Variants in MYO5A observed in about 807,000 individuals in gnomAD.
MYO5A encodes the protein myosin VA.
MYO5A carries 98 observed loss-of-function variants against 249.7 expected under a neutral mutation model. The ratio of observed to expected loss-of-function variants is 0.39; its 90% CI spans 0.33 to 0.46. The LOEUF (loss-of-function observed/expected upper bound fraction) is 0.46, where lower values mean the gene tolerates loss of function less well. Among genes scored for constraint, MYO5A ranks in the 20% least tolerant of loss-of-function variants. The pLI, the probability that MYO5A is intolerant of heterozygous loss-of-function variation, is 0.98. For synonymous variants in MYO5A, 778 were observed against 810.6 expected (o/e 0.96, Z 0.68); for missense variants, 1,696 against 2,308.8 (o/e 0.73, Z 5.44).
intron 1 of MYO5A, among the ~76,000 whole-genome samples, chr15:52,528,188 C>T (rs538786992): frequency 1.3e-5 from 2 of 152,302 alleles, no homozygotes; most frequent in South Asian, 4.1e-4. Flanking sequence ...TACCGACCCT[C>T]CCAGCCGGTG....
intron 3 of MYO5A, among the ~76,000 whole-genome samples, chr15:52,426,843 C>T (rs887032186): frequency 2.0e-5 from 3 of 151,882 alleles, no homozygotes; most frequent in Non-Finnish European, 1.5e-5. Flanking sequence ...TTAATGAAGT[C>T]GTCCATTCAA....
chr15:52,373,922 G>A (rs562482393), intron 20 of MYO5A, among the ~76,000 whole-genome samples: 245 of 151,312 alleles, frequency 1.6e-3, no homozygotes, highest in African/African-American at 5.7e-3. Flanking sequence ...CACCAGTTTC[G>A]AATTTTTTGT....
chr15:52,410,393 A>G lies in MYO5A; in HGVS notation c.696T>C (p.Tyr232=), dbSNP rs148997257. The G allele has an allele frequency of 1.5e-4, 242 of 1,613,510 alleles. No individual in the cohort carries two copies. The African/African-American group carries it at 2.9e-3, about 19-fold the overall frequency. Reference sequence around the variant, plus strand: ...TTCTCATATTGGCACCAATGATTCGATATCTCTTATCAAAACCAATCTCAA... The same window carrying G: ...TTCTCATATTGGCACCAATGATTCGGTATCTCTTATCAAAACCAATCTCAA... ...KYIEIGFDKR[Y]RIIGANMRTY... Residue 232 remains tyrosine, a synonymous_variant, in exon 6 of 42, where the codon TAT becomes TAC. Transcript: ENST00000399233.
intron 1 of MYO5A, among the ~76,000 whole-genome samples, chr15:52,517,431 T>C (rs1486017339): frequency 6.6e-6 from 1 of 152,190 alleles, no homozygotes; most frequent in Admixed American, 6.5e-5. Context: ...ACACCCATAA[T>C]CCCAGCACTT....
intron 1 of MYO5A, among the ~76,000 whole-genome samples, chr15:52,525,021 T>C (rs748652048): frequency 2.0e-5 from 3 of 152,170 alleles, no homozygotes; most frequent in Non-Finnish European, 4.4e-5. Flanking sequence ...ATAATCCTTC[T>C]AGGTCTAATT....
At chr15:52,515,601 T>C (rs138597239) in intron 1 of MYO5A, among the ~76,000 whole-genome samples, 16 of 152,322 alleles carry the variant, frequency 1.1e-4, no homozygotes, top group African/African-American at 3.6e-4. Context: ...CATACAGATG[T>C]AGAAACTAAG....
chr15:52,317,544 C>T (rs953749734), intron 39 of MYO5A, among the ~76,000 whole-genome samples: 11 of 152,202 alleles, frequency 7.2e-5, no homozygotes, highest in African/African-American at 1.9e-4. Flanking sequence ...TATTGGGGAG[C>T]TGGCCAGAAA....
At chr15:52,428,270 C>T (rs948387525) in intron 3 of MYO5A, 128 bp downstream of exon 3, 21 of 938,302 alleles carry the variant, frequency 2.2e-5, no homozygotes, top group Middle Eastern at 2.9e-4. Flanking sequence ...TTTCTGATAA[C>T]GCTCAAGTGA....
chr15:52,497,756 CAAAAAAAA>C (rs35145185), intron 1 of MYO5A, among the ~76,000 whole-genome samples: 1 of 62,684 alleles, frequency 1.6e-5, no homozygotes, highest in African/African-American at 6.1e-5. Flanking sequence ...GACTCTGTCT[CAAAAAAAA>C]AAAAAAAAAA....
At chr15:52,357,144 T>C (rs1596336726) in intron 25 of MYO5A, among the ~76,000 whole-genome samples, 1 of 152,266 alleles carries the variant, frequency 6.6e-6, no homozygotes, top group Admixed American at 6.5e-5. Context: ...AATTCTTCTC[T>C]ATACGTCCCC....
At chr15:52,525,636 CT>C (rs1313337454) in intron 1 of MYO5A, among the ~76,000 whole-genome samples, 1 of 152,222 alleles carries the variant, frequency 6.6e-6, no homozygotes, top group Non-Finnish European at 1.5e-5. Flanking sequence ...ACTAATACAT[CT>C]TTCCTTGTAA....
chr15:52,351,552 CA>C, intron 27 of MYO5A, 71 bp from the exon 28 acceptor site: 1 of 1,424,590 alleles, frequency 7.0e-7, no homozygotes, highest in Non-Finnish European at 9.9e-7. Context: ...AAACTTCTCC[CA>C]AGCTGGTAGA....
intron 35 of MYO5A, among the ~76,000 whole-genome samples, chr15:52,329,292 T>G (rs2038757349): frequency 6.6e-6 from 1 of 152,242 alleles, no homozygotes; most frequent in African/African-American, 2.4e-5. Flanking sequence ...CTATATATAG[T>G]ACTAAGTTTA....
chr15:52,439,022 C>T (rs1419662581), intron 1 of MYO5A, among the ~76,000 whole-genome samples: 1 of 152,244 alleles, frequency 6.6e-6, no homozygotes, highest in Admixed American at 6.5e-5. Flanking sequence ...TGCCCGGGTT[C>T]GTCCTAATCG....
chr15:52,345,321 C>T (rs910670603), intron 30 of MYO5A, among the ~76,000 whole-genome samples: 1 of 152,106 alleles, frequency 6.6e-6, no homozygotes, highest in Non-Finnish European at 1.5e-5. Flanking sequence ...GTGGCTCATG[C>T]CTGTAATCCT....
At chr15:52,399,221 T>C (rs1179742692) in intron 9 of MYO5A, among the ~76,000 whole-genome samples, 1 of 152,186 alleles carries the variant, frequency 6.6e-6, no homozygotes, top group Admixed American at 6.5e-5. Context: ...AGGTTTCTGT[T>C]GATTTTTGCT....
chr15:52,507,221 T>C (rs1229136683), intron 1 of MYO5A, among the ~76,000 whole-genome samples: 1 of 152,238 alleles, frequency 6.6e-6, no homozygotes, highest in Non-Finnish European at 1.5e-5. Context: ...TTATGACACA[T>C]GTCTATATTA....
intron 1 of MYO5A, among the ~76,000 whole-genome samples, chr15:52,459,004 T>C (rs1013361157): frequency 1.3e-5 from 2 of 151,910 alleles, no homozygotes; most frequent in Non-Finnish European, 2.9e-5. Context: ...AAATTCTTTT[T>C]TGGGGGGCAG....
rs1596253165 is a variant in MYO5A, at chr15:52,308,973, G to C, written c.*4723C>G. The C allele has an allele frequency of 6.5e-6, 1 of 152,766 alleles. No homozygotes were observed. The highest frequency in any genetic ancestry group is 1.5e-5 in the Non-Finnish European group (1 of 68,380). 9.5% of individuals were successfully genotyped at this position (152,766 alleles called of 1,614,324 possible). A position where few individuals can be genotyped will look rare whatever the true frequency, so the allele number is the denominator to read the frequency against. On this transcript the variant is annotated 3_prime_UTR_variant, in exon 42 of 42. Coordinates refer to ENST00000399233, the MANE Select transcript of MYO5A (RefSeq NM_001382347.1). ...ACACCTACGGCATGCACACACTGCA[G>C]TGCCCACGCACACACTGACTTGTAT... is the stretch of plus-strand genomic sequence containing the variant.
Sources: allele counts gnomAD v4.1 joint callset (sites outside exome capture counted in the v4.1 genomes callset), GRCh38; gene constraint gnomAD v4.1.1; transcripts MANE v1.5; gene names NCBI Gene and HGNC (gene_info 2026-07-23, HGNC 2026-07-21).